The following KCNH5 variants were observed in gnomAD, a reference collection of about 807,000 sequenced individuals.
The protein encoded by KCNH5 is voltage-gated delayed rectifier potassium channel KCNH5.
KCNH5 carries 46 observed loss-of-function variants against 96.1 expected under a neutral mutation model. The observed-to-expected ratio is 0.48, with a 90% CI of 0.38 to 0.61. KCNH5 has a LOEUF of 0.61. Ranked by LOEUF, KCNH5 falls within the 20% of genes least tolerant of loss-of-function variation. The pLI is 0.00. For missense variants in KCNH5, 907 were observed against 1,225.8 expected (o/e 0.74, Z 3.88); for synonymous variants, 439 against 449.8 (o/e 0.98, Z 0.30).
At chr14:62,918,916 A>G (rs10220698) in intron 7 of KCNH5, among the ~76,000 whole-genome samples, 17,668 of 152,116 alleles carry the variant, frequency 0.12, 1,062 homozygotes, top group African/African-American at 0.15. Context: ...CATTTTTATC[A>G]TATTATTTTT....
intron 10 of KCNH5, among the ~76,000 whole-genome samples, chr14:62,755,703 C>A (rs1180762962): frequency 6.6e-6 from 1 of 152,120 alleles, no homozygotes; most frequent in Admixed American, 6.5e-5. Flanking sequence ...ATGTAAAAAC[C>A]TTCAACAAAA....
chr14:62,775,027 C>T (rs947109651), intron 10 of KCNH5, among the ~76,000 whole-genome samples: 3 of 152,174 alleles, frequency 2.0e-5, no homozygotes, highest in Admixed American at 6.5e-5. Context: ...CTATGTACTT[C>T]TGTCTAGCAG....
intron 8 of KCNH5, among the ~76,000 whole-genome samples, chr14:62,840,807 C>A (rs945307168): frequency 5.3e-5 from 8 of 151,806 alleles, no homozygotes; most frequent in Non-Finnish European, 8.8e-5. Context: ...ACCTCATGAT[C>A]CACTCACGTT....
chr14:62,881,115 G>A (rs548305728), intron 7 of KCNH5, among the ~76,000 whole-genome samples: 59 of 152,228 alleles, frequency 3.9e-4, no homozygotes, highest in Non-Finnish European at 7.8e-4. Context: ...TGCATTAAGC[G>A]CCATTTAGGC....
chr14:62,717,482 T>C (rs1441204851), intron 10 of KCNH5, among the ~76,000 whole-genome samples: 3 of 152,158 alleles, frequency 2.0e-5, no homozygotes. Flanking sequence ...AATAAACCTA[T>C]GCATCTATGG....
intron 7 of KCNH5, among the ~76,000 whole-genome samples, chr14:62,863,362 C>G (rs1267854349): frequency 1.3e-5 from 2 of 152,070 alleles, no homozygotes; most frequent in African/African-American, 4.8e-5. Context: ...TCTGACATGC[C>G]AGTCTGAAGA....
At chr14:62,784,433 A>G (rs911800156) in intron 9 of KCNH5, among the ~76,000 whole-genome samples, 1 of 152,248 alleles carries the variant, frequency 6.6e-6, no homozygotes, top group South Asian at 2.1e-4. Context: ...CTAAAGGAAT[A>G]CAAGACTAAA....
intron 4 of KCNH5, among the ~76,000 whole-genome samples, chr14:62,999,628 C>A (rs1358257518): frequency 1.4e-5 from 2 of 147,008 alleles, no homozygotes; most frequent in Non-Finnish European, 3.0e-5. Flanking sequence ...AAACCAAACA[C>A]CGCATGTTCT....
chr14:63,019,489 C>A (rs1467016669), intron 1 of KCNH5, among the ~76,000 whole-genome samples: 1 of 152,002 alleles, frequency 6.6e-6, no homozygotes, highest in Non-Finnish European at 1.5e-5. Context: ...GGAGTAAGGA[C>A]AGACAAGTAG....
chr14:62,717,900 A>G (rs900562613), intron 10 of KCNH5, among the ~76,000 whole-genome samples: 1 of 152,238 alleles, frequency 6.6e-6, no homozygotes, highest in African/African-American at 2.4e-5. Flanking sequence ...CTGGTTGCAT[A>G]AAGTAAAGGT....
intron 6 of KCNH5, among the ~76,000 whole-genome samples, chr14:62,976,426 C>G (rs376479147): frequency 2.1e-5 from 3 of 145,250 alleles, no homozygotes; most frequent in Admixed American, 2.0e-4. Context: ...AAAAAAATTA[C>G]AGGACTGGTC....
chr14:62,767,445 T>C (rs1214104752), intron 10 of KCNH5, among the ~76,000 whole-genome samples: 2 of 150,928 alleles, frequency 1.3e-5, no homozygotes, highest in African/African-American at 2.4e-5. Context: ...AATGGTAGAC[T>C]AGATAAGGAA....
intron 7 of KCNH5, among the ~76,000 whole-genome samples, chr14:62,873,437 G>C (rs985264725): frequency 2.0e-5 from 3 of 152,078 alleles, no homozygotes; most frequent in Non-Finnish European, 4.4e-5. Flanking sequence ...AAATTCATAT[G>C]ATTTATCTGA....
chr14:62,923,302 G>C (rs1416283762), intron 7 of KCNH5, among the ~76,000 whole-genome samples: 1 of 151,774 alleles, frequency 6.6e-6, no homozygotes, highest in African/African-American at 2.4e-5. Flanking sequence ...CTATAAAACA[G>C]TGGTGAAAGA....
At chr14:62,771,541 C>T (rs752185681) in intron 10 of KCNH5, among the ~76,000 whole-genome samples, 3 of 151,680 alleles carry the variant, frequency 2.0e-5, no homozygotes, top group Non-Finnish European at 4.4e-5. Flanking sequence ...AGGAGAATGG[C>T]GTGAACCCGG....
chr14:63,025,035 C>A (rs1333583308), intron 1 of KCNH5, among the ~76,000 whole-genome samples: 3 of 152,038 alleles, frequency 2.0e-5, no homozygotes, highest in Admixed American at 2.0e-4. Context: ...GATAATTCAC[C>A]ATGATCAAGT....
intron 4 of KCNH5, 42 bp from the exon 5 acceptor site, chr14:62,987,229 G>T: frequency 7.5e-7 from 1 of 1,331,370 alleles, no homozygotes; most frequent in Non-Finnish European, 1.1e-6. Flanking sequence ...TCATACAAAT[G>T]AATAAGGAAT....
At chr14:62,844,473 C>T (rs576395332) in intron 8 of KCNH5, among the ~76,000 whole-genome samples, 1 of 152,264 alleles carries the variant, frequency 6.6e-6, no homozygotes, top group African/African-American at 2.4e-5. Flanking sequence ...TGTTGAGCTT[C>T]AACCATCATC....
chr14:63,017,086 A>T, intron 1 of KCNH5, 132 bp from the exon 2 acceptor site: 3 of 833,142 alleles, frequency 3.6e-6, no homozygotes, highest in Non-Finnish European at 5.2e-6. Flanking sequence ...AAATAATATA[A>T]CCTGTTCTTG....
Sources: allele counts gnomAD v4.1 joint callset (sites outside exome capture counted in the v4.1 genomes callset), GRCh38; gene constraint gnomAD v4.1.1; transcripts MANE v1.5; gene names NCBI Gene and HGNC (gene_info 2026-07-23, HGNC 2026-07-21).